DCAF8L2: variants seen among roughly 807,000 people sequenced by gnomAD.
The protein encoded by DCAF8L2 is DDB1 and CUL4 associated factor 8 like 2, also known as DDB1- and CUL4-associated factor 8-like protein 2.
For synonymous variants in DCAF8L2, 200 were observed against 190.9 expected, an observed-to-expected ratio of 1.05 and a Z score of -0.39; for missense variants, 430 against 490.7, an observed-to-expected ratio of 0.88 and a Z score of 1.17.
chrX:27,499,659 G>C, the DCAF8L2 span, among the ~76,000 whole-genome samples: 1 of 111,144 alleles, frequency 9.0e-6, no homozygotes, highest in Non-Finnish European at 1.9e-5. Context: ...TTCACATGGC[G>C]AAGCAGGAGG....
At chrX:27,515,309 T>G in the DCAF8L2 span, among the ~76,000 whole-genome samples, 1 of 112,424 alleles carries the variant, frequency 8.9e-6, no homozygotes, top group African/African-American at 3.2e-5. Flanking sequence ...CATAAGTGTA[T>G]TTTTACATTG....
the DCAF8L2 span, chrX:27,518,467 G>A: frequency 1.3e-5 from 6 of 473,577 alleles, no homozygotes; most frequent in South Asian, 3.0e-5. Context: ...GGGGTCAGGC[G>A]TGGTGGCTCA....
At chrX:27,742,397 C>T (rs1369934422) in intron 4 of DCAF8L2, among the ~76,000 whole-genome samples, 1 of 109,690 alleles carries the variant, frequency 9.1e-6, no homozygotes, top group East Asian at 2.9e-4. Context: ...GGTGGAACCC[C>T]GTCTCCACTG....
chrX:27,601,534 T>C (rs1926641160), intron 1 of DCAF8L2, among the ~76,000 whole-genome samples: 1 of 110,897 alleles, frequency 9.0e-6, no homozygotes, highest in South Asian at 3.8e-4. Flanking sequence ...ACCCTGTCTC[T>C]AGTAAAAATA....
At position 27,747,125 on chromosome X, in the gene DCAF8L2, G is replaced by C; in HGVS notation, c.230G>C (p.Ser77Thr). The change falls in exon 5 of 5, where the codon AGC (serine) becomes ACC (threonine). Residue 77 changes from serine to threonine, a missense_variant. Ser to Thr is a moderately conservative substitution (Grantham distance 58). Coordinates refer to ENST00000451261, the MANE Select transcript of DCAF8L2 (RefSeq NM_001353450.2). ...GAAAATCGAAGCTCAGACCAAGAAA[G>C]CGCAAGTGAAGACATCGAACTTGAG... Reference protein sequence around the residue: ...STENRSSDQESASEDIELESL... With the variant: ...STENRSSDQETASEDIELESL... 3 of 1,167,898 alleles carry C rather than the reference G, an allele frequency of 2.6e-6. No individual in the cohort carries two copies. Among genetic ancestry groups the C allele is most frequent in the Non-Finnish European group, 3.4e-6 (3 of 873,100 alleles).
At chrX:27,533,780 C>A in the DCAF8L2 span, among the ~76,000 whole-genome samples, 2 of 112,337 alleles carry the variant, frequency 1.8e-5, no homozygotes, top group Non-Finnish European at 3.8e-5. Flanking sequence ...AAAGGAAATG[C>A]GTGAGACAGA....
chrX:27,709,655 T>C (rs1392222904), intron 3 of DCAF8L2, among the ~76,000 whole-genome samples: 1 of 111,793 alleles, frequency 8.9e-6, no homozygotes, highest in Non-Finnish European at 1.9e-5. Flanking sequence ...TAATTCCATC[T>C]ACAAAGTCTC....
At chrX:27,743,772 G>A (rs954668325) in intron 4 of DCAF8L2, among the ~76,000 whole-genome samples, 4 of 94,497 alleles carry the variant, frequency 4.2e-5, no homozygotes, top group Admixed American at 1.2e-4. Flanking sequence ...TCACTGTGTC[G>A]CCCAGGCTGG....
At chrX:27,704,173 T>TATACACACACAC (rs757835089) in intron 3 of DCAF8L2, among the ~76,000 whole-genome samples, 192 of 44,248 alleles carry the variant, frequency 4.3e-3, no homozygotes, top group Non-Finnish European at 6.0e-3. Flanking sequence ...TATATATATA[T>TATACACACACAC]ACATATACAC....
intron 1 of DCAF8L2, among the ~76,000 whole-genome samples, chrX:27,620,984 T>A (rs1036426026): frequency 8.9e-6 from 1 of 112,254 alleles, no homozygotes; most frequent in African/African-American, 3.2e-5. Flanking sequence ...ATATTCAACC[T>A]TACAACGGAA....
chrX:27,740,820 A>G (rs187913587), intron 4 of DCAF8L2, among the ~76,000 whole-genome samples: 1 of 112,308 alleles, frequency 8.9e-6, no homozygotes, highest in East Asian at 2.8e-4. Context: ...CCCATATTCT[A>G]TATGCACTTA....
chrX:27,742,546 G>A (rs1299311517), intron 4 of DCAF8L2, among the ~76,000 whole-genome samples: 2 of 106,502 alleles, frequency 1.9e-5, no homozygotes, highest in Non-Finnish European at 3.9e-5. Flanking sequence ...TCCAGCCTGG[G>A]CCACAAAGCA....
intron 1 of DCAF8L2, among the ~76,000 whole-genome samples, chrX:27,618,434 A>G (rs999513261): frequency 8.9e-6 from 1 of 111,888 alleles, no homozygotes; most frequent in Admixed American, 9.5e-5. Flanking sequence ...TCTTCAAAAC[A>G]CAATTTTCTT....
At chrX:27,742,326 T>A (rs1264139780) in intron 4 of DCAF8L2, among the ~76,000 whole-genome samples, 1 of 111,340 alleles carries the variant, frequency 9.0e-6, no homozygotes, top group African/African-American at 3.3e-5. Context: ...CCCAGCACTT[T>A]GGGAGGCCGA....
the DCAF8L2 span, among the ~76,000 whole-genome samples, chrX:27,557,028 A>G: frequency 1.8e-5 from 2 of 112,655 alleles, no homozygotes; most frequent in Non-Finnish European, 3.7e-5. Flanking sequence ...TATTCTCATC[A>G]GTAGTATAGA....
At chrX:27,723,092 C>G (rs1370275151) in intron 4 of DCAF8L2, among the ~76,000 whole-genome samples, 1 of 109,677 alleles carries the variant, frequency 9.1e-6, no homozygotes, top group Non-Finnish European at 1.9e-5. Context: ...CTGAAGGATG[C>G]AAGAATTATA....
At chrX:27,670,632 G>T (rs6630546) in intron 2 of DCAF8L2, among the ~76,000 whole-genome samples, 50,524 of 109,695 alleles carry the variant, frequency 0.46, 8,425 homozygotes, top group Middle Eastern at 0.57. Flanking sequence ...AGTTTGTTTG[G>T]CCCCAACAAG....
chrX:27,481,359 C>T, the DCAF8L2 span, among the ~76,000 whole-genome samples: 1 of 110,698 alleles, frequency 9.0e-6, no homozygotes, highest in Non-Finnish European at 1.9e-5. Context: ...GCCTGGGCAA[C>T]AGAGCAAGAT....
chrX:27,690,906 A>C (rs1324193181), intron 3 of DCAF8L2, among the ~76,000 whole-genome samples: 1 of 112,055 alleles, frequency 8.9e-6, no homozygotes, highest in African/African-American at 3.2e-5. Context: ...CTCTTGACTG[A>C]GATGAGAACT....
Sources: gnomAD v4.1 joint callset for allele counts (sites outside exome capture counted in the v4.1 genomes callset) on GRCh38, gnomAD v4.1.1 for gene constraint, MANE v1.5 for transcripts, NCBI Gene and HGNC (gene_info 2026-07-23, HGNC 2026-07-21) for gene names.